Variants in ADAMTS17 observed in about 807,000 individuals in gnomAD.
ADAMTS17 encodes ADAM metallopeptidase with thrombospondin type 1 motif 17, also known as A disintegrin and metalloproteinase with thrombospondin motifs 17.
In ADAMTS17, 113 loss-of-function variants were observed where a neutral mutation model predicts 141.5. That is an observed-to-expected ratio of 0.80 (90% CI 0.69 to 0.93). The LOEUF (loss-of-function observed/expected upper bound fraction) is 0.93, where lower values mean the gene tolerates loss of function less well. Ranked by LOEUF, ADAMTS17 falls within the 40% of genes least tolerant of loss-of-function variation. ADAMTS17 has a pLI of 0.00. For missense variants in ADAMTS17, 1,659 were observed against 1,517.9 expected (o/e 1.09, Z -1.54); for synonymous variants, 768 against 630.6 (o/e 1.22, Z -3.27).
chr15:99,995,966 G>A (rs542055717), intron 19 of ADAMTS17, among the ~76,000 whole-genome samples: 4 of 152,064 alleles, frequency 2.6e-5, no homozygotes, highest in East Asian at 1.9e-4. Context: ...TTTTCCAAAC[G>A]TAGAGATCTT....
At chr15:100,161,029 G>A (rs546376060) in intron 8 of ADAMTS17, among the ~76,000 whole-genome samples, 3 of 152,220 alleles carry the variant, frequency 2.0e-5, no homozygotes, top group Non-Finnish European at 2.9e-5. Context: ...AGTATGCCCA[G>A]TAATTTTAAC....
chr15:100,316,160 A>G (rs1467417718), intron 3 of ADAMTS17, among the ~76,000 whole-genome samples: 1 of 152,210 alleles, frequency 6.6e-6, no homozygotes, highest in African/African-American at 2.4e-5. Flanking sequence ...GGGCCCCAGC[A>G]CTGTGCATTG....
chr15:100,022,230 C>A (rs997899699), intron 18 of ADAMTS17, among the ~76,000 whole-genome samples: 1 of 152,190 alleles, frequency 6.6e-6, no homozygotes, highest in East Asian at 1.9e-4. Context: ...TGCAGGCCCC[C>A]AGCAGGCATA....
chr15:99,997,733 C>A lies in ADAMTS17; in HGVS notation c.2592-144G>T. 1.0e-6 allele frequency: 1 copy of A among 985,452 alleles called. No homozygotes were observed. The allele number at this position is 985,452 out of a possible 1,614,324, so 61.0% of individuals were successfully genotyped here. On this transcript the variant is annotated intron_variant, in intron 18 of 21. Coordinates refer to ENST00000268070, the MANE Select transcript of ADAMTS17 (RefSeq NM_139057.4). This position sits in a 1 kb window ranked among gnomAD's most constrained non-coding sequence, Gnocchi z 4.7. Reference sequence around the variant, plus strand: ...AGGAAGCTTTTCAGCCAACCCTGGACATAACTCAGAGTATCGGCACAGAGG... The same window carrying A: ...AGGAAGCTTTTCAGCCAACCCTGGAAATAACTCAGAGTATCGGCACAGAGG...
intron 15 of ADAMTS17, among the ~76,000 whole-genome samples, chr15:100,089,992 TA>T (rs71676052): frequency 0.3 from 40,919 of 136,170 alleles, 6,298 homozygotes; most frequent in East Asian, 0.59. Context: ...ATAATAAAAT[TA>T]AAAAAAAAAA....
chr15:100,007,636 A>G (rs1277695776), intron 18 of ADAMTS17, among the ~76,000 whole-genome samples: 1 of 151,782 alleles, frequency 6.6e-6, no homozygotes, highest in Admixed American at 6.6e-5. Flanking sequence ...CAGGCTCAGG[A>G]CTCTGAGCCC....
At chr15:99,980,424 C>T (rs1479317080) in intron 20 of ADAMTS17, 2 of 152,266 alleles carry the variant, frequency 1.3e-5, no homozygotes, top group Non-Finnish European at 2.9e-5. Flanking sequence ...GGCCATTGGC[C>T]ACAGTGCCGC....
At position 100,076,919 on chromosome 15, in the gene ADAMTS17, G is replaced by C. The variant is rs146327848; in HGVS notation, c.2137+19437C>G. On this transcript the variant is annotated intron_variant, in intron 15 of 21. Coordinates refer to ENST00000268070, the MANE Select transcript of ADAMTS17 (RefSeq NM_139057.4). ...GAGATCATGTATGTTATTATGTATA[G>C]CTCTATTTTTTTGCTTAAATCGCTA... 2.4e-3 allele frequency among the ~76,000 whole-genome samples: 372 copies of C among 151,986 alleles called. 17 individuals are homozygous for C. The highest frequency in any genetic ancestry group is 0.022 in the Admixed American group (342 of 15,258).
chr15:100,053,916 T>C lies in ADAMTS17; in HGVS notation c.2276A>G (p.Lys759Arg). Residue 759 changes from lysine to arginine, a missense_variant, in exon 16 of 22, where the codon AAA (lysine) becomes AGA (arginine). By Grantham distance (26) the Lys-to-Arg change is conservative. Coordinates refer to ENST00000268070, the MANE Select transcript of ADAMTS17 (RefSeq NM_139057.4). The stretch of plus-strand genomic sequence containing the variant: ...AGTTACCATCAAGTGCAGCGGTAGT[T>C]TGGTTGGTCCCTTGGCAGAGATCTT... Reference protein sequence around the residue: ...WEKISAKGPTKLPLHLMVLLF... With the variant: ...WEKISAKGPTRLPLHLMVLLF... 6.2e-7 allele frequency: 1 copy of C among 1,614,128 alleles called. No individual in the cohort carries two copies. The highest frequency in any genetic ancestry group is 8.5e-7 in the Non-Finnish European group (1 of 1,180,024).
At chr15:99,991,089 A>T (rs2727134) in intron 20 of ADAMTS17, among the ~76,000 whole-genome samples, 16,282 of 152,198 alleles carry the variant, frequency 0.11, 2,666 homozygotes, top group African/African-American at 0.35. Flanking sequence ...CCTAGGCAAT[A>T]CCACTCAGGA....
chr15:100,281,258 G>C lies in ADAMTS17; in HGVS notation c.760C>G (p.Gln254Glu). Residue 254 changes from glutamine (Q) to glutamate (E), a missense_variant, in exon 4 of 22, where the codon CAG (glutamine) becomes GAG (glutamate). Transcript: ENST00000268070. ...TTCATGACGGTCAGGATGAACCTCT[G>C]GGCGGCCTCGGCCCCGTGGTACTGC... is the stretch of plus-strand genomic sequence containing the variant. ...MVQYHGAEAA[Q>E]RFILTVMNMV... is the part of the protein sequence containing the mutation. 1 of 1,606,794 alleles carries C rather than the reference G, an allele frequency of 6.2e-7. No individual in the cohort carries two copies. The highest frequency in any genetic ancestry group is 8.5e-7 in the Non-Finnish European group (1 of 1,179,982).
chr15:100,016,372 G>T (rs1226612147), intron 18 of ADAMTS17, among the ~76,000 whole-genome samples: 1 of 152,074 alleles, frequency 6.6e-6, no homozygotes, highest in African/African-American at 2.4e-5. Context: ...GTAAATCAGA[G>T]ATTTCATCTT....
At position 100,152,642 on chromosome 15, in the gene ADAMTS17, G is replaced by A. The variant is rs1323484510; in HGVS notation, c.1443C>T (p.Gly481=). The A allele has an allele frequency of 1.2e-6, 2 of 1,613,964 alleles. No homozygotes were observed. Among genetic ancestry groups the A allele is most frequent in the Admixed American group, 1.7e-5 (1 of 60,012 alleles). The change falls in exon 10 of 22, where the codon GGC becomes GGT. Residue 481 remains glycine, a synonymous_variant. Coordinates refer to ENST00000268070, the MANE Select transcript of ADAMTS17 (RefSeq NM_139057.4). The stretch of plus-strand genomic sequence containing the variant: ...TGTTTCTGCAGAAGGTGGCATTCAT[G>A]CCAAACAGGATCTGGCACTGCTCGT... ...SANEQCQILF[G]MNATFCRNME... is the part of the protein sequence containing the mutation.
chr15:100,301,043 A>G (rs1387592640), intron 3 of ADAMTS17, among the ~76,000 whole-genome samples: 2 of 152,230 alleles, frequency 1.3e-5, no homozygotes, highest in African/African-American at 4.8e-5. Flanking sequence ...CATGCAGTGG[A>G]TATTCAAGGA....
intron 9 of ADAMTS17, 57 bp downstream of exon 9, chr15:100,155,123 T>C: frequency 1.2e-6 from 2 of 1,612,638 alleles, no homozygotes; most frequent in Non-Finnish European, 1.7e-6. Flanking sequence ...CCAATACTTT[T>C]GTCTTTTGGA....
At chr15:100,045,432 A>C (rs1585932) in intron 18 of ADAMTS17, among the ~76,000 whole-genome samples, 41,251 of 152,046 alleles carry the variant, frequency 0.27, 5,926 homozygotes, top group East Asian at 0.49. Flanking sequence ...TTTTTGTTTT[A>C]GTAGGCAGCT....
At chr15:100,204,644 G>A (rs1481517370) in intron 7 of ADAMTS17, among the ~76,000 whole-genome samples, 1 of 152,210 alleles carries the variant, frequency 6.6e-6, no homozygotes, top group Non-Finnish European at 1.5e-5. Context: ...AAAATGAATT[G>A]AAGAGATAAA....
At chr15:100,149,388 T>C (rs2039058891) in intron 10 of ADAMTS17, among the ~76,000 whole-genome samples, 1 of 152,244 alleles carries the variant, frequency 6.6e-6, no homozygotes, top group African/African-American at 2.4e-5. Flanking sequence ...TCCTCCATTT[T>C]AAAGTTTAAC....
intron 8 of ADAMTS17, among the ~76,000 whole-genome samples, chr15:100,181,528 G>T (rs987886234): frequency 1.3e-5 from 2 of 152,228 alleles, no homozygotes; most frequent in African/African-American, 4.8e-5. Context: ...TAGCCAGCAA[G>T]TTATGAATGA....
Sources: gnomAD v4.1 joint callset for allele counts (sites outside exome capture counted in the v4.1 genomes callset) on GRCh38, gnomAD v4.1.1 for gene constraint, Gnocchi (gnomAD v3.1) non-coding constraint, MANE v1.5 for transcripts, NCBI Gene and HGNC (gene_info 2026-07-23, HGNC 2026-07-21) for gene names.